Variants in GRID2 observed in about 807,000 individuals in gnomAD.
GRID2 encodes the protein glutamate ionotropic receptor delta type subunit 2.
A neutral mutation model predicts 114.8 loss-of-function variants in GRID2; 33 were observed. The ratio of observed to expected loss-of-function variants is 0.29; its 90% CI spans 0.22 to 0.38. GRID2 has a LOEUF of 0.38. Among genes scored for constraint, GRID2 ranks in the 10% least tolerant of loss-of-function variants. The pLI, the probability that GRID2 is intolerant of heterozygous loss-of-function variation, is 1.00. For synonymous variants in GRID2, 505 were observed against 449.9 expected, an observed-to-expected ratio of 1.12 and a Z score of -1.55; for missense variants, 1,184 against 1,257.7, an observed-to-expected ratio of 0.94 and a Z score of 0.89.
At chr4:93,533,244 CTCTTCCTTCCTT>C (rs1442013440) in intron 13 of GRID2, among the ~76,000 whole-genome samples, 157 of 142,570 alleles carry the variant, frequency 1.1e-3, no homozygotes, top group South Asian at 5.3e-3. Context: ...CTTTCTTTCT[CTCTTCCTTCCTT>C]CCTTCCTTCC....
intron 7 of GRID2, among the ~76,000 whole-genome samples, chr4:93,228,359 A>G (rs1745741007): frequency 6.6e-6 from 1 of 152,202 alleles, no homozygotes; most frequent in African/African-American, 2.4e-5. Flanking sequence ...TATAGTTATT[A>G]ATGCAATAAC....
chr4:93,107,388 C>T (rs937782813), intron 3 of GRID2, among the ~76,000 whole-genome samples: 1 of 151,990 alleles, frequency 6.6e-6, no homozygotes, highest in South Asian at 2.1e-4. Flanking sequence ...GAAGTGACAA[C>T]CAGGATTCCA....
intron 13 of GRID2, among the ~76,000 whole-genome samples, chr4:93,554,203 A>G (rs549674164): frequency 2.0e-5 from 3 of 152,258 alleles, no homozygotes; most frequent in Non-Finnish European, 4.4e-5. Context: ...ACTTTACCCA[A>G]TTACTTTTTC....
intron 2 of GRID2, among the ~76,000 whole-genome samples, chr4:92,832,605 G>A (rs1156952201): frequency 6.6e-6 from 1 of 152,064 alleles, no homozygotes. Flanking sequence ...TGTTGGCCAG[G>A]CTGGTCTCAA....
At chr4:92,948,399 T>G (rs1751798575) in intron 2 of GRID2, among the ~76,000 whole-genome samples, 1 of 151,880 alleles carries the variant, frequency 6.6e-6, no homozygotes, top group Admixed American at 6.6e-5. Context: ...AAGGTTATTT[T>G]TATACTATTT....
chr4:92,761,363 C>T (rs764472645), intron 2 of GRID2, among the ~76,000 whole-genome samples: 10 of 152,166 alleles, frequency 6.6e-5, no homozygotes, highest in Non-Finnish European at 1.3e-4. Flanking sequence ...TGTACTCTTT[C>T]ACTGTGTTAC....
chr4:93,675,479 G>A (rs546010576), intron 14 of GRID2, among the ~76,000 whole-genome samples: 5 of 152,236 alleles, frequency 3.3e-5, no homozygotes, highest in Non-Finnish European at 7.4e-5. Context: ...AACACCTACT[G>A]CATATTAAAC....
chr4:92,895,302 T>G (rs2149474165), intron 2 of GRID2, among the ~76,000 whole-genome samples: 1 of 149,960 alleles, frequency 6.7e-6, no homozygotes, highest in East Asian at 2.0e-4. Context: ...CTGGTAGATC[T>G]ACTCCAGTAC....
At chr4:93,691,654 G>T (rs1258057830) in intron 14 of GRID2, among the ~76,000 whole-genome samples, 1 of 151,984 alleles carries the variant, frequency 6.6e-6, no homozygotes, top group Non-Finnish European at 1.5e-5. Flanking sequence ...TTAATAAATG[G>T]TAGCTATTTT....
At chr4:92,931,856 G>A (rs1750266055) in intron 2 of GRID2, among the ~76,000 whole-genome samples, 1 of 150,854 alleles carries the variant, frequency 6.6e-6, no homozygotes, top group African/African-American at 2.4e-5. Flanking sequence ...AAACACTCAG[G>A]CAACTCAATG....
At chr4:92,711,488 A>C (rs911205058) in intron 2 of GRID2, among the ~76,000 whole-genome samples, 1 of 152,108 alleles carries the variant, frequency 6.6e-6, no homozygotes, top group African/African-American at 2.4e-5. Flanking sequence ...TCTAAAGGCC[A>C]CTCTCAGGCT....
At chr4:92,609,431 G>C (rs1729615438) in intron 2 of GRID2, among the ~76,000 whole-genome samples, 1 of 150,930 alleles carries the variant, frequency 6.6e-6, no homozygotes, top group South Asian at 2.1e-4. Context: ...TGAAGAGTTA[G>C]TATTAAAAAA....
At chr4:92,849,579 G>C (rs2149420695) in intron 2 of GRID2, among the ~76,000 whole-genome samples, 1 of 151,906 alleles carries the variant, frequency 6.6e-6, no homozygotes, top group East Asian at 1.9e-4. Context: ...CACATTGTCA[G>C]CTTCTAGAAA....
intron 1 of GRID2, among the ~76,000 whole-genome samples, chr4:92,405,962 C>A (rs1175933560): frequency 1.3e-5 from 2 of 152,100 alleles, no homozygotes; most frequent in Non-Finnish European, 2.9e-5. Context: ...GAGAGCCAGT[C>A]TGAGTCCCAA....
intron 2 of GRID2, among the ~76,000 whole-genome samples, chr4:92,773,887 T>G (rs1738656053): frequency 1.3e-5 from 2 of 152,124 alleles, no homozygotes; most frequent in African/African-American, 4.8e-5. Context: ...CACATTTAGT[T>G]GTACAAGCAT....
intron 8 of GRID2, among the ~76,000 whole-genome samples, chr4:93,266,719 A>C (rs543103543): frequency 1.2e-3 from 186 of 152,244 alleles, no homozygotes; most frequent in South Asian, 6.2e-3. Flanking sequence ...ATCCTTTTCC[A>C]GGGTTTTTAT....
At chr4:92,711,738 A>C (rs1735264706) in intron 2 of GRID2, among the ~76,000 whole-genome samples, 1 of 152,150 alleles carries the variant, frequency 6.6e-6, no homozygotes. Flanking sequence ...CTCTGTCTTT[A>C]CAAAAAATAC....
chr4:93,110,895 C>G lies in GRID2; in HGVS notation c.677C>G (p.Thr226Ser), dbSNP rs747237387. The G allele has an allele frequency of 1.9e-6, 3 of 1,613,046 alleles. No individual in the cohort carries two copies. Among genetic ancestry groups the G allele is most frequent in the Admixed American group, 1.7e-5 (1 of 60,016 alleles). ...GAAGAACTGAATCGCTATCGAGACA[C>G]TCTTAGGCGAGCGATCCTTGTTATG... is the stretch of plus-strand genomic sequence containing the variant. ...RIEELNRYRD[T>S]LRRAILVMNP... Residue 226 changes from threonine to serine, a missense_variant, in exon 4 of 16, where the codon ACT becomes AGT. By Grantham distance (58) the Thr-to-Ser change is moderately conservative. This residue lies in a region of GRID2 where 455 missense variants were observed against 429.5 expected (regional missense o/e 1.06). Coordinates refer to ENST00000282020, the MANE Select transcript of GRID2 (RefSeq NM_001510.4).
At chr4:92,719,582 A>C (rs1271915648) in intron 2 of GRID2, among the ~76,000 whole-genome samples, 1 of 152,140 alleles carries the variant, frequency 6.6e-6, no homozygotes, top group Non-Finnish European at 1.5e-5. Context: ...TGCTACTAAA[A>C]GGTAGAGAAA....
Sources: gnomAD v4.1 joint callset for allele counts (sites outside exome capture counted in the v4.1 genomes callset) on GRCh38, gnomAD v4.1.1 for gene constraint, gnomAD v4.1.1 regional missense constraint, MANE v1.5 for transcripts, NCBI Gene and HGNC (gene_info 2026-07-23, HGNC 2026-07-21) for gene names.